Variants in METTL6 observed in about 807,000 individuals in gnomAD.
The protein encoded by METTL6 is methyltransferase 6, tRNA N3-cytidine.
In METTL6, 22 loss-of-function variants were observed where a neutral mutation model predicts 26.4. That is an observed-to-expected ratio of 0.83 (90% CI 0.59 to 1.19). The LOEUF is 1.19. METTL6 is among the 50% of genes most tolerant of loss of function. METTL6 has a pLI of 0.00. For missense variants in METTL6, 304 were observed against 324.8 expected (o/e 0.94, Z 0.49); for synonymous variants, 109 against 116.2 (o/e 0.94, Z 0.40).
At chr3:15,417,557 A>G (rs2125005020) in intron 3 of METTL6, among the ~76,000 whole-genome samples, 1 of 152,244 alleles carries the variant, frequency 6.6e-6, no homozygotes, top group Middle Eastern at 3.4e-3. Context: ...ACGTAGTAAT[A>G]AAACAACATG....
chr3:15,417,761 G>A (rs2061520563), intron 3 of METTL6, among the ~76,000 whole-genome samples: 1 of 152,136 alleles, frequency 6.6e-6, no homozygotes, highest in Admixed American at 6.5e-5. Context: ...AATTTACTGT[G>A]TTTAGAAGAA....
At chr3:15,388,140 C>T (rs753153630) in intron 6 of METTL6, among the ~76,000 whole-genome samples, 13 of 151,614 alleles carry the variant, frequency 8.6e-5, no homozygotes, top group African/African-American at 2.9e-4. Context: ...GATGGAGTTT[C>T]GCTCTTGTCG....
At chr3:15,392,728 T>C (rs188438190) in intron 6 of METTL6, among the ~76,000 whole-genome samples, 2,147 of 152,330 alleles carry the variant, frequency 0.014, 26 homozygotes, top group African/African-American at 0.028. Context: ...TAGCCAGTTT[T>C]CCCAGCACCA....
chr3:15,392,530 G>A (rs1298564294), intron 6 of METTL6, among the ~76,000 whole-genome samples: 6 of 152,120 alleles, frequency 3.9e-5, no homozygotes, highest in African/African-American at 9.7e-5. Context: ...TTTGGCTTTC[G>A]TTGCCATTCC....
At chr3:15,382,764 T>C (rs940644139) in exon 7 of METTL6, 1 of 151,148 alleles carries the variant, frequency 6.6e-6, no homozygotes, top group Non-Finnish European at 1.5e-5. Flanking sequence ...TTTTATCACA[T>C]AAACCCCATA....
chr3:15,394,794 G>A (rs1330723615), intron 6 of METTL6, among the ~76,000 whole-genome samples: 2 of 152,166 alleles, frequency 1.3e-5, no homozygotes, highest in African/African-American at 2.4e-5. Flanking sequence ...CAGTTTCCAT[G>A]TAGTTGAGTG....
chr3:15,384,811 T>C (rs1466670510), intron 6 of METTL6, among the ~76,000 whole-genome samples: 3 of 152,204 alleles, frequency 2.0e-5, no homozygotes, highest in Non-Finnish European at 4.4e-5. Context: ...AAACATTCTC[T>C]TGTCAATCCC....
chr3:15,396,640 G>A (rs929225882), intron 6 of METTL6, among the ~76,000 whole-genome samples: 2 of 152,154 alleles, frequency 1.3e-5, no homozygotes, highest in Non-Finnish European at 2.9e-5. Flanking sequence ...TTTGGTCTTT[G>A]ATGATGGTGA....
chr3:15,407,498 C>T (rs1281929702), downstream of METTL6, among the ~76,000 whole-genome samples: 2 of 152,188 alleles, frequency 1.3e-5, no homozygotes, highest in African/African-American at 2.4e-5. Context: ...ACTTCATCAA[C>T]CTGTTTTGCT....
At chr3:15,415,669 GGA>G in intron 4 of METTL6, 101 bp downstream of exon 4, 1 of 1,596,480 alleles carries the variant, frequency 6.3e-7, no homozygotes, top group East Asian at 2.2e-5. Context: ...TAGTGAGAAT[GGA>G]GAGACTATGT....
In METTL6 at chr3:15,400,813, G is replaced by A. The variant is rs116929038; in HGVS notation, c.*11+10432C>T. Among the ~76,000 whole-genome samples, 251 of 152,270 alleles carry A rather than the reference G, an allele frequency of 1.6e-3. 2 individuals carry two copies. Among genetic ancestry groups the A allele is most frequent in the East Asian group, 9.1e-3 (47 of 5,182 alleles). On this transcript the variant is annotated intron_variant, in intron 6 of 6. Transcript: ENST00000443029. ...GTTTTGGATTGCTTCCTTCTTGTGCGTGAAGTTTTTTCCCCCATATAGCAT... is the reference window on the plus strand; with the variant it reads ...GTTTTGGATTGCTTCCTTCTTGTGCATGAAGTTTTTTCCCCCATATAGCAT...
At chr3:15,409,740 A>G (rs1699896196), downstream of METTL6, among the ~76,000 whole-genome samples, 1 of 152,212 alleles carries the variant, frequency 6.6e-6, no homozygotes, top group Admixed American at 6.5e-5. Context: ...GGTCTCAACA[A>G]TCAGATATGG....
intron 6 of METTL6, among the ~76,000 whole-genome samples, chr3:15,404,350 T>G (rs1699730710): frequency 6.6e-6 from 1 of 152,106 alleles, no homozygotes; most frequent in Non-Finnish European, 1.5e-5. Flanking sequence ...TTTATTTTAC[T>G]TATTTATTTG....
At chr3:15,392,329 C>T (rs1328696882) in intron 6 of METTL6, among the ~76,000 whole-genome samples, 1 of 151,604 alleles carries the variant, frequency 6.6e-6, no homozygotes, top group African/African-American at 2.4e-5. Flanking sequence ...ATCCTTTGCC[C>T]ACTTGTTGAT....
intron 6 of METTL6, chr3:15,399,359 C>A (rs1000386969): frequency 1.3e-5 from 2 of 152,148 alleles, no homozygotes; most frequent in Non-Finnish European, 2.9e-5. Flanking sequence ...TCTTAGCTTG[C>A]TTTCCCTTTA....
intron 3 of METTL6, among the ~76,000 whole-genome samples, chr3:15,422,724 C>T (rs1205995774): frequency 6.6e-6 from 1 of 152,140 alleles, no homozygotes; most frequent in African/African-American, 2.4e-5. Context: ...GAACGAGATA[C>T]TTGCAATGTC....
At chr3:15,412,691 G>A (rs76454878) in intron 5 of METTL6, among the ~76,000 whole-genome samples, 2,681 of 151,014 alleles carry the variant, frequency 0.018, 38 homozygotes, top group South Asian at 0.041. Context: ...AAAGTTTCAC[G>A]GTTGCCCAGG....
chr3:15,390,017 G>C (rs62242148), intron 6 of METTL6, among the ~76,000 whole-genome samples: 1 of 150,232 alleles, frequency 6.7e-6, no homozygotes, highest in Non-Finnish European at 1.5e-5. Flanking sequence ...TCCATCTCAA[G>C]GGAAAAAAAA....
Position 15,414,247 on chromosome 3 carries a change from G to C in METTL6, c.532-85C>G, listed in dbSNP as rs1700095026. On this transcript the variant is annotated intron_variant, in intron 4 of 5. Coordinates refer to ENST00000383790, the MANE Select transcript of METTL6 (RefSeq NM_152396.4). Reference sequence around the variant, plus strand: ...TTAAGTTAGGACTTAAAATAAATTTGTGATAGTTACTAAGGGGACAGACTG... The same window carrying C: ...TTAAGTTAGGACTTAAAATAAATTTCTGATAGTTACTAAGGGGACAGACTG... 5.3e-6 allele frequency: 8 copies of C among 1,522,488 alleles called. No individual in the cohort carries two copies. In the Admixed American group the frequency reaches 1.8e-4, roughly 34 times the overall value. 94.3% of individuals were successfully genotyped at this position (1,522,488 alleles called of 1,614,324 possible). A position where few individuals can be genotyped will look rare whatever the true frequency, so the allele number is the denominator to read the frequency against.
Sources: allele counts gnomAD v4.1 joint callset (sites outside exome capture counted in the v4.1 genomes callset), GRCh38; gene constraint gnomAD v4.1.1; transcripts MANE v1.5; gene names NCBI Gene and HGNC (gene_info 2026-07-23, HGNC 2026-07-21).